The following DPP6 variants were observed in gnomAD, a reference collection of about 807,000 sequenced individuals.
DPP6 encodes A-type potassium channel modulatory protein DPP6.
DPP6 carries 69 observed loss-of-function variants against 122.6 expected under a neutral mutation model. The observed-to-expected ratio is 0.56, with a 90% CI of 0.46 to 0.69. The LOEUF (loss-of-function observed/expected upper bound fraction) is 0.69. DPP6 is among the 30% of genes least tolerant of loss of function. The pLI is 0.00. For missense variants in DPP6, 928 were observed against 1,116.9 expected, an observed-to-expected ratio of 0.83 and a Z score of 2.41; for synonymous variants, 418 against 433.1, an observed-to-expected ratio of 0.97 and a Z score of 0.43.
At chr7:154,060,546 G>T (rs1302209473) in intron 1 of DPP6, among the ~76,000 whole-genome samples, 4 of 132,824 alleles carry the variant, frequency 3.0e-5, no homozygotes, top group South Asian at 2.5e-4. Context: ...CAAGTAGAAA[G>T]TTCAAATCTT....
At position 154,307,773 on chromosome 7, in the gene DPP6, TA is replaced by T. The variant is rs1379348549; in HGVS notation, c.244-138440del. On this transcript the variant is annotated intron_variant, in intron 1 of 25. Transcript: ENST00000377770. ...GAGTTCTCCATTCTTTATTTTATTTTATTTTCCTGGTTGCTAATGAAACTTC... is the reference window on the plus strand; with the variant it reads ...GAGTTCTCCATTCTTTATTTTATTTTTTTTCCTGGTTGCTAATGAAACTTC... Among the ~76,000 whole-genome samples, 4 of 152,282 alleles carry T rather than the reference TA, an allele frequency of 2.6e-5. No homozygotes were observed. The East Asian group carries it at 7.7e-4, about 29-fold the overall frequency.
In DPP6 at chr7:154,674,561, C is replaced by T. The variant is rs527671869; in HGVS notation, c.762+5120C>T. On this transcript the variant is annotated intron_variant, in intron 7 of 25. Coordinates refer to ENST00000377770, the MANE Select transcript of DPP6 (RefSeq NM_130797.4). ...TTAGGCAACATTAAGAATTCAAAGC[C>T]GGAATCTTTGCTGGTACACTCGGAA... Among the ~76,000 whole-genome samples, 36 of 152,272 alleles carry T rather than the reference C, an allele frequency of 2.4e-4. No individual in the cohort carries two copies. In the South Asian group the frequency reaches 7.2e-3, roughly 31 times the overall value.
chr7:153,853,743 A>G, the DPP6 span, among the ~76,000 whole-genome samples: 3 of 152,144 alleles, frequency 2.0e-5, no homozygotes, highest in Non-Finnish European at 4.4e-5. Context: ...ACAAGAAAAC[A>G]TTGTTTGCTA....
chr7:153,824,700 TA>T, the DPP6 span, among the ~76,000 whole-genome samples: 89 of 142,398 alleles, frequency 6.3e-4, no homozygotes, highest in Non-Finnish European at 7.6e-4. Context: ...AACATAAAAA[TA>T]AAAAAAAAAA....
rs762752062 is a variant in DPP6 at position 154,481,090 on chromosome 7, C to G, written c.457+6053C>G. 6.6e-6 allele frequency among the ~76,000 whole-genome samples: 1 copy of G among 151,966 alleles called. No homozygotes were observed. On this transcript the variant is annotated intron_variant, in intron 3 of 25. Coordinates refer to ENST00000377770, the MANE Select transcript of DPP6 (RefSeq NM_130797.4). The surrounding 1 kb of genome is among the most constrained non-coding windows in gnomAD (Gnocchi z 4.2). Reference sequence around the variant, plus strand: ...CAAGCCCAGCAGCAGCAGGAAGGACCGAGGCTCTACTCCGGCACCTCAGGT... The same window carrying G: ...CAAGCCCAGCAGCAGCAGGAAGGACGGAGGCTCTACTCCGGCACCTCAGGT...
intron 4 of DPP6, among the ~76,000 whole-genome samples, chr7:154,564,440 C>T (rs1830613911): frequency 6.6e-6 from 1 of 152,138 alleles, no homozygotes. Context: ...AGAAAAAACA[C>T]CTTATGCTTC....
chr7:153,791,420 C>CTTTTTTTTTTTT, the DPP6 span, among the ~76,000 whole-genome samples: 7 of 24,216 alleles, frequency 2.9e-4, no homozygotes, highest in African/African-American at 6.1e-4. Context: ...TCCTTCCTTC[C>CTTTTTTTTTTTT]TTTCTTTTTT....
In DPP6 at chr7:154,868,071, G is replaced by A. The variant is rs1257858563; in HGVS notation, c.1791G>A (p.Arg597=). 6.2e-7 allele frequency: 1 copy of A among 1,607,728 alleles called. No individual in the cohort carries two copies. The highest frequency in any genetic ancestry group is 8.5e-7 in the Non-Finnish European group (1 of 1,177,206). The change falls in exon 18 of 26, where the codon AGG becomes AGA. Residue 597 remains arginine (R), a synonymous_variant. Coordinates refer to ENST00000377770, the MANE Select transcript of DPP6 (RefSeq NM_130797.4). The part of the protein sequence containing the change: ...NDRQMPKVEY[R]DIEIDDYNLP... Reference sequence around the variant, plus strand: ...GACAGATGCCTAAAGTGGAATACAGGGACATTGAGATTGATGATTACAGTA... The same window carrying A: ...GACAGATGCCTAAAGTGGAATACAGAGACATTGAGATTGATGATTACAGTA...
chr7:153,929,691 C>G (rs373037290), intron 1 of DPP6, among the ~76,000 whole-genome samples: 1 of 151,940 alleles, frequency 6.6e-6, no homozygotes, highest in African/African-American at 2.4e-5. Flanking sequence ...GAATGAGTGC[C>G]GTACTGCACA....
chr7:154,341,468 A>G (rs929347027), intron 1 of DPP6, among the ~76,000 whole-genome samples: 1 of 152,056 alleles, frequency 6.6e-6, no homozygotes, highest in Non-Finnish European at 1.5e-5. Flanking sequence ...ATCTGATGAG[A>G]AAAGTGAGAG....
chr7:153,902,991 C>T (rs982867163), intron 1 of DPP6, among the ~76,000 whole-genome samples: 6 of 152,202 alleles, frequency 3.9e-5, no homozygotes, highest in South Asian at 4.2e-4. Context: ...AATGAGTAAC[C>T]GCTACAATAG....
At chr7:154,336,862 C>T (rs1346204342) in intron 1 of DPP6, among the ~76,000 whole-genome samples, 2 of 152,152 alleles carry the variant, frequency 1.3e-5, no homozygotes, top group Non-Finnish European at 2.9e-5. Context: ...GTGGAGCCTA[C>T]ACAGCCTTGC....
At position 154,483,388 on chromosome 7, in the gene DPP6, ATT is replaced by A. The variant is rs5888575; in HGVS notation, c.457+8363_457+8364del. On this transcript the variant is annotated intron_variant, in intron 3 of 25. Transcript: ENST00000377770. The surrounding 1 kb of genome is among the most constrained non-coding windows in gnomAD (Gnocchi z 8.1). ...TAAAGGTAAACTGAGGCACAATACA[ATT>A]TTTTTTTTTTTAAAAGCATTTATTT... Among the ~76,000 whole-genome samples the A allele has an allele frequency of 3.7e-4, 56 of 149,874 alleles. No homozygotes were observed. Among genetic ancestry groups the A allele is most frequent in the African/African-American group, 1.1e-3 (45 of 40,830 alleles).
intron 5 of DPP6, among the ~76,000 whole-genome samples, chr7:154,586,352 G>A (rs912998533): frequency 1.2e-4 from 18 of 152,134 alleles, no homozygotes; most frequent in African/African-American, 3.9e-4. Context: ...CCTACCTGCC[G>A]GCCTCAGCTC....
intron 3 of DPP6, among the ~76,000 whole-genome samples, chr7:154,514,007 G>A (rs189346684): frequency 6.6e-6 from 1 of 152,290 alleles, no homozygotes; most frequent in Non-Finnish European, 1.5e-5. Flanking sequence ...GGGCACGGTG[G>A]CTTATGCCTG....
intron 1 of DPP6, among the ~76,000 whole-genome samples, chr7:154,442,741 A>C (rs1300751575): frequency 2.0e-5 from 3 of 152,112 alleles, no homozygotes; most frequent in Non-Finnish European, 4.4e-5. Context: ...ATATATCCCG[A>C]CACCTAGGTC....
rs751552260 is a variant in DPP6, at chr7:154,460,679, CA to C, written c.359-14258del. Among the ~76,000 whole-genome samples the C allele has an allele frequency of 2.6e-5, 4 of 152,220 alleles. No individual in the cohort carries two copies. In the East Asian group the frequency reaches 7.7e-4, roughly 29 times the overall value. ...GTTTTTAAAATCAAAAACACATTTA[CA>C]ACATTCACTATTTCATTTTTTAATT... On this transcript the variant is annotated intron_variant, in intron 2 of 25. Coordinates refer to ENST00000377770, the MANE Select transcript of DPP6 (RefSeq NM_130797.4).
At chr7:153,881,035 A>G in the DPP6 span, among the ~76,000 whole-genome samples, 14 of 152,218 alleles carry the variant, frequency 9.2e-5, no homozygotes, top group African/African-American at 3.4e-4. Flanking sequence ...TTTAAAGAAG[A>G]TATTTATTTT....
At chr7:153,893,460 A>G (rs1288181717) in intron 1 of DPP6, among the ~76,000 whole-genome samples, 1 of 152,242 alleles carries the variant, frequency 6.6e-6, no homozygotes, top group Non-Finnish European at 1.5e-5. Flanking sequence ...ATGAATGGAT[A>G]TTTGTTCCTT....
Sources: allele counts gnomAD v4.1 joint callset (sites outside exome capture counted in the v4.1 genomes callset), GRCh38; gene constraint gnomAD v4.1.1; non-coding constraint Gnocchi (gnomAD v3.1); transcripts MANE v1.5; gene names NCBI Gene and HGNC (gene_info 2026-07-23, HGNC 2026-07-21).